The following DDR2 variants were observed in gnomAD, a reference collection of about 807,000 sequenced individuals.
The protein encoded by DDR2 is discoidin domain-containing receptor 2.
A neutral mutation model predicts 94.9 loss-of-function variants in DDR2; 27 were observed. The ratio of observed to expected loss-of-function variants is 0.28; its 90% CI spans 0.21 to 0.39. The LOEUF is 0.39. Among genes scored for constraint, DDR2 ranks in the 10% least tolerant of loss-of-function variants. DDR2 has a pLI of 1.00. For synonymous variants in DDR2, 382 were observed against 377.2 expected, an observed-to-expected ratio of 1.01 and a Z score of -0.15; for missense variants, 783 against 1,076.0, an observed-to-expected ratio of 0.73 and a Z score of 3.81.
At position 162,689,088 on chromosome 1, in the gene DDR2, T is replaced by A. The variant is rs537543812; in HGVS notation, c.-27-29949T>A. Reference sequence around the variant, plus strand: ...TGATCAGTGCTGGCTTTAGATATGATTTGCGCATCTCTGCAGGCTAGTGTC... The same window carrying A: ...TGATCAGTGCTGGCTTTAGATATGAATTGCGCATCTCTGCAGGCTAGTGTC... On this transcript the variant is annotated intron_variant, in intron 2 of 17. Transcript: ENST00000367921. Among the ~76,000 whole-genome samples, 6 of 152,322 alleles carry A rather than the reference T, an allele frequency of 3.9e-5. No homozygotes were observed. In the East Asian group the frequency reaches 1.2e-3, roughly 29 times the overall value.
At chr1:162,650,789 G>C (rs551373186) in intron 1 of DDR2, among the ~76,000 whole-genome samples, 23 of 151,874 alleles carry the variant, frequency 1.5e-4, no homozygotes, top group African/African-American at 2.4e-4. Flanking sequence ...GCAGTGGCTC[G>C]ATCTCAGCTC....
At chr1:162,717,210 A>G (rs762920053) in intron 2 of DDR2, among the ~76,000 whole-genome samples, 1 of 151,924 alleles carries the variant, frequency 6.6e-6, no homozygotes, top group South Asian at 2.1e-4. Context: ...TAATTTTTGT[A>G]TTTCTAACAG....
chr1:162,634,792 C>T (rs903188414), intron 1 of DDR2, among the ~76,000 whole-genome samples: 1 of 152,222 alleles, frequency 6.6e-6, no homozygotes, highest in African/African-American at 2.4e-5. Flanking sequence ...AGTGTTTAGT[C>T]AGGACCAGTC....
chr1:162,772,895 G>C (rs1281969782), intron 13 of DDR2, among the ~76,000 whole-genome samples: 1 of 152,156 alleles, frequency 6.6e-6, no homozygotes. Context: ...GGTTTCCTAA[G>C]ACATGTTATT....
In DDR2 at chr1:162,755,571, C is replaced by T. The variant is rs186645922; in HGVS notation, c.566-93C>T. 1,220 of 1,255,700 alleles carry T rather than the reference C, an allele frequency of 9.7e-4. 2 individuals carry two copies. The highest frequency in any genetic ancestry group is 1.3e-3 in the Non-Finnish European group (1,153 of 854,826). The allele number at this position is 1,255,700 out of a possible 1,614,324, so 77.8% of individuals were successfully genotyped here. On this transcript the variant is annotated intron_variant, in intron 6 of 17. Transcript: ENST00000367921. The stretch of plus-strand genomic sequence containing the variant: ...TGTCCAGATGGAGTCCTGCTGGACA[C>T]GCTGTGCAAGCTTATACCCTTGAAA...
chr1:162,633,892 C>T (rs1473574855), intron 1 of DDR2, among the ~76,000 whole-genome samples: 4 of 152,196 alleles, frequency 2.6e-5, no homozygotes, highest in Non-Finnish European at 5.9e-5. Flanking sequence ...GATTGACTCT[C>T]ACAGCTATGT....
chr1:162,712,690 G>A (rs1396427519), intron 2 of DDR2, among the ~76,000 whole-genome samples: 3 of 152,138 alleles, frequency 2.0e-5, no homozygotes, highest in African/African-American at 7.2e-5. Flanking sequence ...TTTTGACTGT[G>A]AAGAGGGAAG....
At chr1:162,641,481 T>C (rs529306065) in intron 1 of DDR2, among the ~76,000 whole-genome samples, 10 of 152,338 alleles carry the variant, frequency 6.6e-5, no homozygotes, top group African/African-American at 1.9e-4. Flanking sequence ...TTTTGGTCAG[T>C]ATCACTTAGT....
intron 2 of DDR2, among the ~76,000 whole-genome samples, chr1:162,661,055 T>C (rs547500617): frequency 7.0e-4 from 106 of 152,306 alleles, no homozygotes; most frequent in African/African-American, 2.5e-3. Context: ...TCTGAATCCA[T>C]GGCTATTCAT....
chr1:162,732,973 G>A (rs938479859), intron 3 of DDR2, among the ~76,000 whole-genome samples: 1 of 151,330 alleles, frequency 6.6e-6, no homozygotes, highest in African/African-American at 2.4e-5. Flanking sequence ...TCCCTGCTGG[G>A]CCTGCCACAG....
At chr1:162,644,761 T>C (rs1571137834) in intron 1 of DDR2, among the ~76,000 whole-genome samples, 1 of 152,030 alleles carries the variant, frequency 6.6e-6, no homozygotes, top group Non-Finnish European at 1.5e-5. Flanking sequence ...CACACCTGGC[T>C]AATTTTGTAT....
intron 3 of DDR2, among the ~76,000 whole-genome samples, chr1:162,728,020 T>C (rs1661795295): frequency 7.1e-6 from 1 of 140,482 alleles, no homozygotes; most frequent in Non-Finnish European, 1.5e-5. Flanking sequence ...ATAGATATAA[T>C]CACACTATAT....
rs1232792529 is a variant in DDR2, at chr1:162,784,461, C to T, written c.*4215C>T. 5 of 152,856 alleles carry T rather than the reference C, an allele frequency of 3.3e-5. No individual in the cohort carries two copies. Among genetic ancestry groups the T allele is most frequent in the Non-Finnish European group, 7.4e-5 (5 of 67,660 alleles). The allele number at this position is 152,856 out of a possible 1,614,324, so 9.5% of individuals were successfully genotyped here. A position where few individuals can be genotyped will look rare whatever the true frequency, so the allele number is the denominator to read the frequency against. On this transcript the variant is annotated 3_prime_UTR_variant, in exon 18 of 18. Transcript: ENST00000367921. ...TAGGTCTCTAATGTTTCTTCATCTCCAGGAAGATGCAGATCCTTATTTTTG... is the reference window on the plus strand; with the variant it reads ...TAGGTCTCTAATGTTTCTTCATCTCTAGGAAGATGCAGATCCTTATTTTTG...
At position 162,678,750 on chromosome 1, in the gene DDR2, G is replaced by A. The variant is rs1050817393; in HGVS notation, c.-28+23376G>A. 7.9e-5 allele frequency among the ~76,000 whole-genome samples: 12 copies of A among 152,196 alleles called. No individual in the cohort carries two copies. In the South Asian group the frequency reaches 1.5e-3, roughly 18 times the overall value. The stretch of plus-strand genomic sequence containing the variant: ...GTGGCACAATTTCTAAGGCTCCCTC[G>A]GGCAACAAAGTAGGTTGTGTTCAGA... On this transcript the variant is annotated intron_variant, in intron 2 of 17. Transcript: ENST00000367921.
intron 1 of DDR2, among the ~76,000 whole-genome samples, chr1:162,635,556 A>G (rs1571122913): frequency 6.6e-6 from 1 of 152,178 alleles, no homozygotes. Context: ...ACACAGACAC[A>G]CTGGACTCTT....
At chr1:162,698,203 T>G (rs889673404) in intron 2 of DDR2, among the ~76,000 whole-genome samples, 2 of 152,024 alleles carry the variant, frequency 1.3e-5, no homozygotes, top group Non-Finnish European at 2.9e-5. Context: ...GAGAAGGGAG[T>G]AAGATCAGAC....
intron 3 of DDR2, among the ~76,000 whole-genome samples, chr1:162,727,088 A>G (rs1229506918): frequency 1.2e-4 from 18 of 144,622 alleles, no homozygotes; most frequent in Non-Finnish European, 2.7e-4. Flanking sequence ...ATTTAATATT[A>G]TTAATACATT....
chr1:162,666,303 T>C (rs1244693905), intron 2 of DDR2, among the ~76,000 whole-genome samples: 3 of 152,374 alleles, frequency 2.0e-5, no homozygotes, highest in African/African-American at 7.2e-5. Context: ...GCAGAAAGCT[T>C]GCCTTGTTCA....
chr1:162,764,846 A>G (rs1663918081), intron 9 of DDR2, among the ~76,000 whole-genome samples: 1 of 151,900 alleles, frequency 6.6e-6, no homozygotes. Flanking sequence ...AAAAAGAAAG[A>G]AAAGAAAAAT....
Sources: gnomAD v4.1 joint callset for allele counts (sites outside exome capture counted in the v4.1 genomes callset) on GRCh38, gnomAD v4.1.1 for gene constraint, MANE v1.5 for transcripts, NCBI Gene and HGNC (gene_info 2026-07-23, HGNC 2026-07-21) for gene names.